Variants in CDH23 observed in about 807,000 individuals in gnomAD.
CDH23 encodes cadherin-23.
CDH23 carries 189 observed loss-of-function variants against 317.1 expected under a neutral mutation model. The ratio of observed to expected loss-of-function variants is 0.60; its 90% CI spans 0.53 to 0.67. The LOEUF is 0.67. Among genes scored for constraint, CDH23 ranks in the 30% least tolerant of loss-of-function variants. The probability of loss-of-function intolerance (pLI) is 0.00; values close to 1 mark genes in which losing one functional copy is unlikely to be tolerated. For synonymous variants in CDH23, 1,839 were observed against 1,876.8 expected, an observed-to-expected ratio of 0.98 and a Z score of 0.52; for missense variants, 4,401 against 4,592.4, an observed-to-expected ratio of 0.96 and a Z score of 1.20.
chr10:71,784,549 C>G lies in CDH23; in HGVS notation c.5502+129C>G. 3 of 1,255,066 alleles carry G rather than the reference C, an allele frequency of 2.4e-6. No individual in the cohort carries two copies. In the South Asian group the frequency reaches 4.4e-5, roughly 19 times the overall value. 77.7% of individuals were successfully genotyped at this position (1,255,066 alleles called of 1,614,324 possible). ...CTGCCCTGGAGCCAGGCCAGGCCTGCCCCTGGGGCCCTTAATAGACCTCTC... is the reference window on the plus strand; with the variant it reads ...CTGCCCTGGAGCCAGGCCAGGCCTGGCCCTGGGGCCCTTAATAGACCTCTC... On this transcript the variant is annotated intron_variant, in intron 42 of 69. Coordinates refer to ENST00000224721, the MANE Select transcript of CDH23 (RefSeq NM_022124.6).
intron 11 of CDH23, among the ~76,000 whole-genome samples, chr10:71,642,491 C>G (rs1284461894): frequency 6.6e-6 from 1 of 151,042 alleles, no homozygotes; most frequent in Non-Finnish European, 1.5e-5. Flanking sequence ...CTCCGCCTCC[C>G]GGCTTCAAGC....
chr10:71,790,343 C>T lies in CDH23; in HGVS notation c.5979C>T (p.Asp1993=). The change falls in exon 46 of 70, where the codon GAC becomes GAT. Residue 1993 remains aspartate (D), a synonymous_variant. Coordinates refer to ENST00000224721, the MANE Select transcript of CDH23 (RefSeq NM_022124.6). ...GPILALDADQ[D]IYAVVTYQLL... is the part of the protein sequence containing the mutation. ...TCCTGGCCCTGGATGCAGACCAAGA[C>T]ATCTACGCCGTGGTGACCTACCAGC... 6.2e-7 allele frequency: 1 copy of T among 1,613,922 alleles called. No individual in the cohort carries two copies. The highest frequency in any genetic ancestry group is 1.1e-5 in the South Asian group (1 of 91,086).
At chr10:71,740,992 G>A (rs112186883) in intron 37 of CDH23, 42 bp downstream of exon 37, 1 of 1,611,546 alleles carries the variant, frequency 6.2e-7, no homozygotes, top group Non-Finnish European at 8.5e-7. Flanking sequence ...ACATACGGGG[G>A]GACCGTGGGC....
At chr10:71,784,532 G>C in intron 42 of CDH23, 112 bp downstream of exon 42, 1 of 1,436,418 alleles carries the variant, frequency 7.0e-7, no homozygotes, top group Admixed American at 2.1e-5. Flanking sequence ...GGCTGCCCTG[G>C]AGCCAGGCCA....
intron 28 of CDH23, chr10:71,713,165 G>C (rs746996925): frequency 2.6e-6 from 2 of 779,166 alleles, no homozygotes; most frequent in Non-Finnish European, 4.8e-6. Flanking sequence ...GAGAGCCAGG[G>C]CCCAGCAAGG....
At chr10:71,519,961 G>T (rs1364794096) in intron 6 of CDH23, among the ~76,000 whole-genome samples, 1 of 151,832 alleles carries the variant, frequency 6.6e-6, no homozygotes, top group Non-Finnish European at 1.5e-5. Flanking sequence ...GCTAATTTTT[G>T]TATTTTTTGT....
rs866179985 is a variant in CDH23, at chr10:71,774,055, A to G, written c.4846-3625A>G. Among the ~76,000 whole-genome samples the G allele has an allele frequency of 9.0e-3, 1,165 of 129,348 alleles. 18 individuals are homozygous for G. Among genetic ancestry groups the G allele is most frequent in the African/African-American group, 0.018 (645 of 35,738 alleles). The allele number at this position is 129,348 out of a possible 152,430, so 84.9% of individuals were successfully genotyped here. A position where few individuals can be genotyped will look rare whatever the true frequency, so the allele number is the denominator to read the frequency against. On this transcript the variant is annotated intron_variant, in intron 38 of 69. Transcript: ENST00000224721. ...ACCCTGAGTGCATGCGCGCGCGCAC[A>G]CACACACACACACACACACACACAC...
intron 1 of CDH23, among the ~76,000 whole-genome samples, chr10:71,403,616 A>G (rs1847960471): frequency 6.7e-6 from 1 of 150,228 alleles, no homozygotes; most frequent in Non-Finnish European, 1.5e-5. Flanking sequence ...TCCCGGATTC[A>G]AGTGATTCTC....
chr10:71,596,375 GA>G (rs1859848005), intron 9 of CDH23, among the ~76,000 whole-genome samples: 1 of 152,080 alleles, frequency 6.6e-6, no homozygotes, highest in African/African-American at 2.4e-5. Context: ...GCCAGGATTC[GA>G]ACCCAGGTCT....
At chr10:71,413,766 C>G (rs140448993) in intron 1 of CDH23, among the ~76,000 whole-genome samples, 7 of 152,042 alleles carry the variant, frequency 4.6e-5, no homozygotes, top group African/African-American at 1.7e-4. Flanking sequence ...CTCCTGGGCT[C>G]AAGTTGATCC....
At chr10:71,416,518 A>G (rs1359876404) in intron 1 of CDH23, among the ~76,000 whole-genome samples, 1 of 152,156 alleles carries the variant, frequency 6.6e-6, no homozygotes, top group Non-Finnish European at 1.5e-5. Flanking sequence ...GTTTGCTTAC[A>G]TATTTACCCT....
chr10:71,518,959 G>A (rs555674397), intron 6 of CDH23, among the ~76,000 whole-genome samples: 17 of 152,314 alleles, frequency 1.1e-4, no homozygotes, highest in East Asian at 5.8e-4. Context: ...GGCTGTGGGC[G>A]TCCTCCACCA....
intron 11 of CDH23, among the ~76,000 whole-genome samples, chr10:71,627,929 C>A (rs988897806): frequency 1.3e-5 from 2 of 152,220 alleles, no homozygotes; most frequent in African/African-American, 4.8e-5. Flanking sequence ...CTCCCCAGCA[C>A]CTCTTGGCTG....
chr10:71,497,305 G>A (rs1385248301), intron 3 of CDH23, among the ~76,000 whole-genome samples: 9 of 151,636 alleles, frequency 5.9e-5, no homozygotes, highest in Non-Finnish European at 1.0e-4. Flanking sequence ...TTTCAGGAGA[G>A]GGGAAAAAAA....
At chr10:71,596,391 G>A (rs1471211258) in intron 9 of CDH23, among the ~76,000 whole-genome samples, 1 of 152,130 alleles carries the variant, frequency 6.6e-6, no homozygotes, top group Non-Finnish European at 1.5e-5. Context: ...AGGTCTGCAT[G>A]AGTCTGAAGT....
intron 14 of CDH23, among the ~76,000 whole-genome samples, chr10:71,648,119 A>G (rs1325657280): frequency 6.6e-6 from 1 of 152,234 alleles, no homozygotes; most frequent in Non-Finnish European, 1.5e-5. Context: ...TCAGGCTGTC[A>G]GACGTAAACA....
chr10:71,550,220 G>A lies in CDH23; in HGVS notation c.430-16522G>A, dbSNP rs907181559. Among the ~76,000 whole-genome samples, 34 of 152,144 alleles carry A rather than the reference G, an allele frequency of 2.2e-4. 1 individual carries two copies. Among genetic ancestry groups the A allele is most frequent in the Non-Finnish European group, 1.0e-4 (7 of 68,028 alleles). ...GAAAGTACGTAAAACTTCTAGTACA[G>A]CCTTGGTCATGGGACATATGAATTC... is the stretch of plus-strand genomic sequence containing the variant. On this transcript the variant is annotated intron_variant, in intron 6 of 69. Transcript: ENST00000224721.
At position 71,689,054 on chromosome 10, in the gene CDH23, TGGTGGAGC is replaced by T. The variant is rs1865062622; in HGVS notation, c.2059+1336_2059+1343del. ...GAGTCAGGGGTGGTGGAGCCAGGGA[TGGTGGAGC>T]CAGGGGTGGTGGAGCCAGGGGTGGT... On this transcript the variant is annotated intron_variant, in intron 19 of 69. Transcript: ENST00000224721. Among the ~76,000 whole-genome samples the T allele has an allele frequency of 5.4e-5, 7 of 129,496 alleles. No homozygotes were observed. The East Asian group carries it at 6.9e-4, about 13-fold the overall frequency. 85.0% of individuals were successfully genotyped at this position (129,496 alleles called of 152,430 possible). A position where few individuals can be genotyped will look rare whatever the true frequency, so the allele number is the denominator to read the frequency against.
At chr10:71,517,001 TG>T (rs1453488443) in intron 6 of CDH23, among the ~76,000 whole-genome samples, 1 of 152,210 alleles carries the variant, frequency 6.6e-6, no homozygotes, top group African/African-American at 2.4e-5. Flanking sequence ...CTTGGTCATC[TG>T]TGCATCCTCA....
Sources: gnomAD v4.1 joint callset for allele counts (sites outside exome capture counted in the v4.1 genomes callset) on GRCh38, gnomAD v4.1.1 for gene constraint, MANE v1.5 for transcripts, NCBI Gene and HGNC (gene_info 2026-07-23, HGNC 2026-07-21) for gene names.